The following LDLRAD3 variants were observed in gnomAD, a reference collection of about 807,000 sequenced individuals.
The protein encoded by LDLRAD3 is low-density lipoprotein receptor class A domain-containing protein 3.
In LDLRAD3, 20 loss-of-function variants were observed where a neutral mutation model predicts 29.4. That is an observed-to-expected ratio of 0.68 (90% CI 0.48 to 0.99). The LOEUF (loss-of-function observed/expected upper bound fraction) is 0.99. Among genes scored for constraint, LDLRAD3 ranks in the 50% least tolerant of loss-of-function variants. The pLI is 0.00. For missense variants in LDLRAD3, 420 were observed against 454.3 expected (o/e 0.92, Z 0.69); for synonymous variants, 157 against 192.7 (o/e 0.81, Z 1.53).
Position 36,038,182 on chromosome 11 carries a change from G to C in LDLRAD3, c.193+1933G>C, listed in dbSNP as rs147840559. ...CAACGTGCTGGGATTACAGATTACA[G>C]ATGTGAGCCACCAAGCCCGGCCTGC... is the stretch of plus-strand genomic sequence containing the variant. On this transcript the variant is annotated intron_variant, in intron 2 of 5. Coordinates refer to ENST00000315571, the MANE Select transcript of LDLRAD3 (RefSeq NM_174902.4). Among the ~76,000 whole-genome samples, 9 of 152,290 alleles carry C rather than the reference G, an allele frequency of 5.9e-5. No individual in the cohort carries two copies. In the East Asian group the frequency reaches 1.7e-3, roughly 29 times the overall value.
intron 4 of LDLRAD3, among the ~76,000 whole-genome samples, chr11:36,113,437 A>T (rs542780221): frequency 4.0e-5 from 6 of 148,924 alleles, no homozygotes; most frequent in African/African-American, 1.5e-4. Flanking sequence ...GACTGAAATT[A>T]AAAAAAAAAG....
intron 1 of LDLRAD3, among the ~76,000 whole-genome samples, chr11:36,016,003 G>A (rs1382481806): frequency 6.6e-6 from 1 of 152,248 alleles, no homozygotes; most frequent in African/African-American, 2.4e-5. Context: ...GGCTGTAAGT[G>A]TGAGCTCACA....
intron 2 of LDLRAD3, among the ~76,000 whole-genome samples, chr11:36,071,207 A>C (rs1532566): frequency 0.91 from 138,440 of 152,204 alleles, 63,086 homozygotes; most frequent in East Asian, 0.98. Flanking sequence ...CCATGGGATG[A>C]TCTCAGCCTT....
intron 1 of LDLRAD3, among the ~76,000 whole-genome samples, chr11:35,994,839 C>A (rs2133171061): frequency 6.6e-6 from 1 of 152,356 alleles, no homozygotes; most frequent in African/African-American, 2.4e-5. Context: ...CAAGAAGCCA[C>A]TTTGTTTGCT....
chr11:35,946,709 C>T (rs1851061638), intron 1 of LDLRAD3, among the ~76,000 whole-genome samples: 1 of 152,160 alleles, frequency 6.6e-6, no homozygotes, highest in Non-Finnish European at 1.5e-5. Flanking sequence ...GACTTCCTGA[C>T]ATTCTGTATC....
chr11:36,178,334 C>T (rs562771616), intron 4 of LDLRAD3, among the ~76,000 whole-genome samples: 12 of 152,330 alleles, frequency 7.9e-5, no homozygotes, highest in East Asian at 5.8e-4. Context: ...TTCCCCTCCC[C>T]GCCGCCAGCC....
intron 3 of LDLRAD3, among the ~76,000 whole-genome samples, chr11:36,088,025 A>G (rs560963365): frequency 6.7e-6 from 1 of 148,480 alleles, no homozygotes; most frequent in African/African-American, 2.5e-5. Flanking sequence ...AGCCAAATTT[A>G]AAAAAAAAAG....
At chr11:36,191,654 T>C (rs1236130063) in intron 4 of LDLRAD3, among the ~76,000 whole-genome samples, 1 of 147,746 alleles carries the variant, frequency 6.8e-6, no homozygotes, top group Non-Finnish European at 1.5e-5. Context: ...AAGAAATTGA[T>C]AGAATACTTA....
chr11:36,229,071 A>G (rs1855537500), intron 5 of LDLRAD3, 89 bp from the exon 6 acceptor site: 2 of 846,080 alleles, frequency 2.4e-6, no homozygotes, highest in Admixed American at 4.2e-5. Context: ...TGTCTCAGAA[A>G]TGGGCTGAAG....
chr11:36,225,074 A>G (rs1855481037), intron 4 of LDLRAD3, among the ~76,000 whole-genome samples: 1 of 152,156 alleles, frequency 6.6e-6, no homozygotes, highest in Non-Finnish European at 1.5e-5. Flanking sequence ...GCAGTGAACA[A>G]AACAGACGCA....
chr11:36,088,085 G>A (rs185334394), intron 3 of LDLRAD3, among the ~76,000 whole-genome samples: 196 of 151,836 alleles, frequency 1.3e-3, no homozygotes, highest in Admixed American at 2.2e-3. Flanking sequence ...GAACTCCTGA[G>A]CTCAAGCCAA....
At chr11:36,144,405 A>G in intron 4 of LDLRAD3, among the ~76,000 whole-genome samples, 1 of 136,086 alleles carries the variant, frequency 7.3e-6, no homozygotes, top group Non-Finnish European at 1.6e-5. Context: ...CTGGGATGTG[A>G]GGAGCCTCTC....
At chr11:35,990,903 A>C (rs556171609) in intron 1 of LDLRAD3, among the ~76,000 whole-genome samples, 3 of 152,236 alleles carry the variant, frequency 2.0e-5, no homozygotes, top group Admixed American at 2.0e-4. Context: ...GGCTTTGAAC[A>C]TATCTTTTTG....
At chr11:36,121,315 T>C (rs888979520) in intron 4 of LDLRAD3, among the ~76,000 whole-genome samples, 1 of 151,748 alleles carries the variant, frequency 6.6e-6, no homozygotes, top group Non-Finnish European at 1.5e-5. Flanking sequence ...GGGAGAGGAA[T>C]TGTTTCACAT....
chr11:36,052,098 A>G (rs1852537561), intron 2 of LDLRAD3, among the ~76,000 whole-genome samples: 1 of 152,196 alleles, frequency 6.6e-6, no homozygotes, highest in African/African-American at 2.4e-5. Flanking sequence ...TGAGTAAGGA[A>G]GTTGGTTGGA....
intron 1 of LDLRAD3, among the ~76,000 whole-genome samples, chr11:36,025,059 A>G (rs1852145474): frequency 6.6e-6 from 1 of 152,212 alleles, no homozygotes; most frequent in African/African-American, 2.4e-5. Flanking sequence ...CAGAATATGA[A>G]AAGAGCTCAT....
intron 1 of LDLRAD3, among the ~76,000 whole-genome samples, chr11:36,010,908 C>A (rs990228355): frequency 5.3e-5 from 8 of 152,088 alleles, no homozygotes; most frequent in African/African-American, 1.7e-4. Context: ...GAGATTCAAG[C>A]AATTCTCCTG....
At chr11:35,978,325 G>A (rs898227835) in intron 1 of LDLRAD3, among the ~76,000 whole-genome samples, 7 of 152,334 alleles carry the variant, frequency 4.6e-5, no homozygotes, top group South Asian at 2.1e-4. Flanking sequence ...ACACTCACTC[G>A]AGGTGTGCCT....
At chr11:36,129,448 C>T (rs1339870626) in intron 4 of LDLRAD3, among the ~76,000 whole-genome samples, 3 of 152,074 alleles carry the variant, frequency 2.0e-5, no homozygotes, top group Non-Finnish European at 4.4e-5. Flanking sequence ...GAAAGTTGAA[C>T]GAGGAACTAG....
Sources: gnomAD v4.1 joint callset for allele counts (sites outside exome capture counted in the v4.1 genomes callset) on GRCh38, gnomAD v4.1.1 for gene constraint, MANE v1.5 for transcripts, NCBI Gene and HGNC (gene_info 2026-07-23, HGNC 2026-07-21) for gene names.